SLC2A9: variants seen among roughly 807,000 people sequenced by gnomAD.
The protein encoded by SLC2A9 is solute carrier family 2, facilitated glucose transporter member 9.
In SLC2A9, 39 loss-of-function variants were observed where a neutral mutation model predicts 50.6. The observed-to-expected ratio is 0.77, with a 90% CI of 0.60 to 1.01. SLC2A9 has a LOEUF of 1.01. Ranked by LOEUF, SLC2A9 falls within the 50% of genes least tolerant of loss-of-function variation. The probability of loss-of-function intolerance (pLI) is 0.00; values close to 1 mark genes in which losing one functional copy is unlikely to be tolerated. For missense variants in SLC2A9, 686 were observed against 677.6 expected, an observed-to-expected ratio of 1.01 and a Z score of -0.14; for synonymous variants, 324 against 276.9, an observed-to-expected ratio of 1.17 and a Z score of -1.69.
Position 9,849,764 on chromosome 4 carries a change from A to T in SLC2A9, c.1292-14756T>A, listed in dbSNP as rs368264930. Among the ~76,000 whole-genome samples the T allele has an allele frequency of 2.0e-4, 31 of 152,274 alleles. No individual in the cohort carries two copies. In the Middle Eastern group the frequency reaches 0.017, roughly 84 times the overall value. ...AGTCTCTCAGAACAAACCTACAGTG[A>T]TGTGTTCTGTTTGGTGGTGAGTTAA... On this transcript the variant is annotated intron_variant, in intron 10 of 11. Coordinates refer to ENST00000264784, the MANE Select transcript of SLC2A9 (RefSeq NM_020041.3).
intron 11 of SLC2A9, 126 bp from the exon 12 acceptor site, chr4:9,826,726 G>A: frequency 1.2e-6 from 1 of 861,578 alleles, no homozygotes; most frequent in Non-Finnish European, 1.9e-6. Flanking sequence ...AAAACACCAT[G>A]TGTGATGCTG....
chr4:9,798,471 G>T (rs1720876373), downstream of SLC2A9, among the ~76,000 whole-genome samples: 1 of 152,160 alleles, frequency 6.6e-6, no homozygotes, highest in Non-Finnish European at 1.5e-5. Context: ...CAATCATTAT[G>T]TAAAGAGAGT....
At chr4:9,896,786 A>C (rs1287520979) in intron 8 of SLC2A9, among the ~76,000 whole-genome samples, 1 of 152,170 alleles carries the variant, frequency 6.6e-6, no homozygotes, top group Non-Finnish European at 1.5e-5. Flanking sequence ...ACATTTTTCC[A>C]TGTGGATATC....
intron 11 of SLC2A9, among the ~76,000 whole-genome samples, chr4:9,830,834 A>G (rs1202020499): frequency 6.6e-6 from 1 of 152,212 alleles, no homozygotes; most frequent in Non-Finnish European, 1.5e-5. Context: ...ACAGGATCCC[A>G]GAGCCAGAGT....
intron 5 of SLC2A9, among the ~76,000 whole-genome samples, chr4:9,954,854 G>A (rs1750930828): frequency 6.8e-6 from 1 of 147,800 alleles, no homozygotes. Context: ...ATAATAGTTG[G>A]TCACAGCTGG....
rs200812406 is a variant in SLC2A9 at position 9,782,025 on chromosome 4, C to A, written n.386-1960G>T. On this transcript the variant is annotated intron_variant and non_coding_transcript_variant, in intron 3 of 3. Transcript: ENST00000503803. ...GCACAGACCGCCCCTGCAGTCCAGC[C>A]CGAAATGCTGCCGCCAGGCAGCAAC... 9 of 1,458,926 alleles carry A rather than the reference C, an allele frequency of 6.2e-6. No individual in the cohort carries two copies. In the South Asian group the frequency reaches 1.1e-4, roughly 19 times the overall value. The allele number at this position is 1,458,926 out of a possible 1,614,324, so 90.4% of individuals were successfully genotyped here. A position where few individuals can be genotyped will look rare whatever the true frequency, so the allele number is the denominator to read the frequency against.
chr4:9,854,144 A>G (rs1730382486), intron 10 of SLC2A9, among the ~76,000 whole-genome samples: 1 of 152,228 alleles, frequency 6.6e-6, no homozygotes, highest in Non-Finnish European at 1.5e-5. Flanking sequence ...TCAGAGCTGA[A>G]CTGAAAGAAA....
In SLC2A9 at chr4:10,021,443, C is replaced by G. The variant is rs778689630; in HGVS notation, c.-14G>C. 6.2e-7 allele frequency: 1 copy of G among 1,614,082 alleles called. No homozygotes were observed. Among genetic ancestry groups the G allele is most frequent in the Non-Finnish European group, 8.5e-7 (1 of 1,180,002 alleles). On this transcript the variant is annotated 5_prime_UTR_variant, in exon 1 of 12. Coordinates refer to ENST00000264784, the MANE Select transcript of SLC2A9 (RefSeq NM_020041.3). ...TTTCCTTGCCATGGGTCTCAGTGACCCAGCTGATGGCTCAGTCCAGGGACC... is the reference window on the plus strand; with the variant it reads ...TTTCCTTGCCATGGGTCTCAGTGACGCAGCTGATGGCTCAGTCCAGGGACC...
intron 10 of SLC2A9, among the ~76,000 whole-genome samples, chr4:9,845,423 A>ATTTTTTTTTTT (rs1183351674): frequency 1.5e-5 from 2 of 130,824 alleles, no homozygotes; most frequent in African/African-American, 6.3e-5. Context: ...ACGATCATCA[A>ATTTTTTTTTTT]TTTCTTTTTT....
intron 5 of SLC2A9, among the ~76,000 whole-genome samples, chr4:9,977,097 G>C (rs951028229): frequency 6.6e-6 from 1 of 152,094 alleles, no homozygotes; most frequent in Non-Finnish European, 1.5e-5. Context: ...AACCCCTTCA[G>C]TCCTGGCTGG....
At chr4:9,834,610 G>A (rs994424943) in intron 11 of SLC2A9, among the ~76,000 whole-genome samples, 1 of 152,194 alleles carries the variant, frequency 6.6e-6, no homozygotes, top group Admixed American at 6.5e-5. Context: ...GTAGGTTTGA[G>A]TTGCTAACCT....
At chr4:9,850,323 T>A (rs766725288) in intron 10 of SLC2A9, among the ~76,000 whole-genome samples, 1 of 152,158 alleles carries the variant, frequency 6.6e-6, no homozygotes, top group Non-Finnish European at 1.5e-5. Context: ...AGCCTGTGTG[T>A]TGCCCAGAGG....
At chr4:9,872,505 C>T (rs1359860008) in intron 10 of SLC2A9, among the ~76,000 whole-genome samples, 3 of 152,214 alleles carry the variant, frequency 2.0e-5, no homozygotes, top group Non-Finnish European at 4.4e-5. Flanking sequence ...TTTCCAAACG[C>T]TTGAATGAAT....
intron 4 of SLC2A9, among the ~76,000 whole-genome samples, chr4:9,981,062 C>G (rs1283271005): frequency 6.8e-6 from 1 of 146,230 alleles, no homozygotes; most frequent in South Asian, 2.2e-4. Context: ...TAGTGATGGT[C>G]ATGATGGTGA....
rs1430966285 is a variant in SLC2A9 at position 9,786,135 on chromosome 4, G to A, written n.386-6070C>T. 7.2e-5 allele frequency among the ~76,000 whole-genome samples: 11 copies of A among 152,310 alleles called. No homozygotes were observed. In the East Asian group the frequency reaches 2.1e-3, roughly 29 times the overall value. ...CGTCATAGGATTAATGTTAATTGCTGTAGCAGCAATTGCAGCAGGCATGAT... is the reference window on the plus strand; with the variant it reads ...CGTCATAGGATTAATGTTAATTGCTATAGCAGCAATTGCAGCAGGCATGAT... On this transcript the variant is annotated intron_variant and non_coding_transcript_variant, in intron 3 of 3. Coordinates refer to the SLC2A9 transcript ENST00000503803.
At chr4:9,798,991 CTCCT>C (rs1428224284), downstream of SLC2A9, 3 of 152,270 alleles carry the variant, frequency 2.0e-5, no homozygotes, top group African/African-American at 7.2e-5. Flanking sequence ...CATCACTGCT[CTCCT>C]TCCATCACTC....
At chr4:9,776,035 C>T (rs567215245), downstream of SLC2A9, among the ~76,000 whole-genome samples, 7 of 152,150 alleles carry the variant, frequency 4.6e-5, no homozygotes, top group South Asian at 8.3e-4. Context: ...GCCATAATCT[C>T]GCTCCCTAGC....
At position 9,972,023 on chromosome 4, in the gene SLC2A9, C is replaced by T. The variant is rs139933852; in HGVS notation, c.681+8569G>A. On this transcript the variant is annotated intron_variant, in intron 5 of 11. Coordinates refer to ENST00000264784, the MANE Select transcript of SLC2A9 (RefSeq NM_020041.3). Reference sequence around the variant, plus strand: ...TTCGTCTCATTTTTTCTTTAAAATCCTTTGTCTTCTTTCACCTCCCTGAAT... The same window carrying T: ...TTCGTCTCATTTTTTCTTTAAAATCTTTTGTCTTCTTTCACCTCCCTGAAT... Among the ~76,000 whole-genome samples, 541 of 152,264 alleles carry T rather than the reference C, an allele frequency of 3.6e-3. 5 individuals are homozygous for T. Among genetic ancestry groups the T allele is most frequent in the African/African-American group, 0.012 (487 of 41,564 alleles).
At position 9,844,142 on chromosome 4, in the gene SLC2A9, G is replaced by C. The variant is rs1350126947; in HGVS notation, c.1292-9134C>G. 8.3e-5 allele frequency among the ~76,000 whole-genome samples: 8 copies of C among 96,662 alleles called. No individual in the cohort carries two copies. The Middle Eastern group carries it at 0.025, about 297-fold the overall frequency. 63.4% of individuals were successfully genotyped at this position (96,662 alleles called of 152,430 possible). ...GTAATGAAACTTGGTGGAAGAGCCA[G>C]ATTTAGTAAAAAAAAAATAATAATA... is the stretch of plus-strand genomic sequence containing the variant. On this transcript the variant is annotated intron_variant, in intron 10 of 11. Coordinates refer to ENST00000264784, the MANE Select transcript of SLC2A9 (RefSeq NM_020041.3).
Sources: allele counts gnomAD v4.1 joint callset (sites outside exome capture counted in the v4.1 genomes callset), GRCh38; gene constraint gnomAD v4.1.1; transcripts MANE v1.5; gene names NCBI Gene and HGNC (gene_info 2026-07-23, HGNC 2026-07-21).